TMEM132B: variants seen among roughly 807,000 people sequenced by gnomAD.
TMEM132B encodes transmembrane protein 132B.
A neutral mutation model predicts 90.8 loss-of-function variants in TMEM132B; 18 were observed. That is an observed-to-expected ratio of 0.20 (90% CI 0.14 to 0.29). TMEM132B has a LOEUF of 0.29. TMEM132B is among the 10% of genes least tolerant of loss of function. The pLI, the probability that TMEM132B is intolerant of heterozygous loss-of-function variation, is 1.00. For missense variants in TMEM132B, 1,096 were observed against 1,326.8 expected (o/e 0.83, Z 2.70); for synonymous variants, 504 against 523.3 (o/e 0.96, Z 0.50).
intron 2 of TMEM132B, among the ~76,000 whole-genome samples, chr12:125,355,279 C>G (rs1212936899): frequency 6.6e-6 from 1 of 152,124 alleles, no homozygotes; most frequent in Non-Finnish European, 1.5e-5. Context: ...CCAGCACTTG[C>G]ATTAGCAGAG....
chr12:125,270,112 T>TTGTGTGTGTGTGTGTGTGTGTGTGTG (rs59168219), intron 1 of TMEM132B, among the ~76,000 whole-genome samples: 14 of 143,144 alleles, frequency 9.8e-5, no homozygotes, highest in African/African-American at 3.7e-4. Context: ...CACATCTTTG[T>TTGTGTGTGTGTGTGTGTGTGTGTGTG]TGTGTGTGTG....
chr12:125,227,487 G>T (rs1476138998), intron 1 of TMEM132B, among the ~76,000 whole-genome samples: 1 of 152,070 alleles, frequency 6.6e-6, no homozygotes, highest in Non-Finnish European at 1.5e-5. Flanking sequence ...GTGCTCTGTG[G>T]GCTCTTGTGA....
chr12:125,619,087 G>A (rs1036957302), intron 5 of TMEM132B, among the ~76,000 whole-genome samples: 1 of 152,114 alleles, frequency 6.6e-6, no homozygotes, highest in Non-Finnish European at 1.5e-5. Flanking sequence ...CTCTGCAAAG[G>A]TATCAAATGG....
In TMEM132B at chr12:125,652,607, T is replaced by G; in HGVS notation, c.2081T>G (p.Leu694Arg). The G allele has an allele frequency of 6.2e-7, 1 of 1,613,232 alleles. No individual in the cohort carries two copies. The highest frequency in any genetic ancestry group is 8.5e-7 in the Non-Finnish European group (1 of 1,179,538). The change falls in exon 8 of 9, where the codon CTG becomes CGG. Residue 694 changes from leucine (L) to arginine (R), a missense_variant. Physicochemically the swap from Leu to Arg is moderately radical, Grantham distance 102 (BLOSUM62 -2). Coordinates refer to ENST00000682704, the MANE Select transcript of TMEM132B (RefSeq NM_001366854.1). ...GCCATCGTCTCCACAGCTGCTGCCC[T>G]GGATGTTCTTCAGTCCCCACAGCAG... ...KRAIVSTAAALDVLQSPQQEA... is the reference protein window; with the variant it reads ...KRAIVSTAAARDVLQSPQQEA...
intron 5 of TMEM132B, 96 bp from the exon 6 acceptor site, chr12:125,643,980 A>G (rs1886694523): frequency 9.0e-7 from 1 of 1,116,590 alleles, no homozygotes; most frequent in Non-Finnish European, 1.3e-6. Flanking sequence ...TGTCTAATAA[A>G]TCAGAGCTGC....
chr12:125,632,771 G>A (rs1424967616), intron 5 of TMEM132B, among the ~76,000 whole-genome samples: 1 of 151,968 alleles, frequency 6.6e-6, no homozygotes, highest in African/African-American at 2.4e-5. Context: ...TAGATGTATT[G>A]AGGCTCCATT....
At chr12:125,488,081 C>T (rs1466482598) in intron 3 of TMEM132B, among the ~76,000 whole-genome samples, 3 of 152,218 alleles carry the variant, frequency 2.0e-5, no homozygotes, top group Admixed American at 2.0e-4. Flanking sequence ...TATTTTAGCT[C>T]TTAATTTATG....
chr12:125,432,507 G>A lies in TMEM132B; in HGVS notation c.1106+16830G>A, dbSNP rs1365286226. On this transcript the variant is annotated intron_variant, in intron 3 of 8. Transcript: ENST00000682704. ...TATATGTATGTGTATATATATGTGT[G>A]TGTGTATATATATATATATATAGAG... is the stretch of plus-strand genomic sequence containing the variant. Among the ~76,000 whole-genome samples the A allele has an allele frequency of 1.7e-3, 23 of 13,184 alleles. 2 individuals are homozygous for A. The highest frequency in any genetic ancestry group is 7.6e-3 in the African/African-American group (23 of 3,012). 8.6% of individuals were successfully genotyped at this position (13,184 alleles called of 152,430 possible).
chr12:125,198,888 G>C (rs954638970), intron 1 of TMEM132B, among the ~76,000 whole-genome samples: 22 of 152,164 alleles, frequency 1.4e-4, no homozygotes, highest in African/African-American at 4.1e-4. Context: ...AGCTCCTCCG[G>C]CTTCTTTATT....
chr12:125,387,753 A>C (rs1349296865), intron 2 of TMEM132B, among the ~76,000 whole-genome samples: 1 of 152,196 alleles, frequency 6.6e-6, no homozygotes, highest in African/African-American at 2.4e-5. Context: ...ATGGATAAAC[A>C]TCTGTCTCCA....
chr12:125,196,999 T>C (rs951512589), intron 1 of TMEM132B, among the ~76,000 whole-genome samples: 3 of 152,212 alleles, frequency 2.0e-5, no homozygotes, highest in African/African-American at 7.2e-5. Flanking sequence ...GATTTTTGTT[T>C]TTAATTAACT....
At chr12:125,488,999 A>G (rs1593171088) in intron 3 of TMEM132B, among the ~76,000 whole-genome samples, 1 of 152,392 alleles carries the variant, frequency 6.6e-6, no homozygotes, top group East Asian at 1.9e-4. Flanking sequence ...GGTTTTTATC[A>G]CATGTAAGTG....
intron 3 of TMEM132B, among the ~76,000 whole-genome samples, chr12:125,516,727 TCA>T (rs1883171409): frequency 6.6e-6 from 1 of 152,208 alleles, no homozygotes; most frequent in African/African-American, 2.4e-5. Context: ...ATTTCTCCTC[TCA>T]CTGGATCTTC....
chr12:125,476,945 T>C (rs1881897944), intron 3 of TMEM132B, among the ~76,000 whole-genome samples: 1 of 152,164 alleles, frequency 6.6e-6, no homozygotes, highest in South Asian at 2.1e-4. Flanking sequence ...GTGATTTTTG[T>C]GAAACAACAC....
chr12:125,403,829 AC>A (rs1450053909), intron 2 of TMEM132B, among the ~76,000 whole-genome samples: 1 of 152,206 alleles, frequency 6.6e-6, no homozygotes, highest in Admixed American at 6.5e-5. Flanking sequence ...ACCCTTAGTG[AC>A]CAGCTTAGTT....
chr12:125,215,089 TACCCTGCC>T (rs1156932941), intron 1 of TMEM132B, among the ~76,000 whole-genome samples: 1 of 152,200 alleles, frequency 6.6e-6, no homozygotes, highest in Admixed American at 6.5e-5. Flanking sequence ...GTGCTACACC[TACCCTGCC>T]ACTCCCCTGA....
chr12:125,365,987 C>T (rs1188563704), intron 2 of TMEM132B, among the ~76,000 whole-genome samples: 1 of 151,962 alleles, frequency 6.6e-6, no homozygotes, highest in African/African-American at 2.4e-5. Flanking sequence ...ATTTTTGTAT[C>T]CGTTAATCAA....
At chr12:125,219,208 C>T (rs1011969780) in intron 1 of TMEM132B, among the ~76,000 whole-genome samples, 17 of 152,080 alleles carry the variant, frequency 1.1e-4, no homozygotes, top group African/African-American at 3.4e-4. Flanking sequence ...CTCAGGGCCA[C>T]GTGGCAGAGA....
At chr12:125,413,676 A>G (rs1879923146) in intron 2 of TMEM132B, among the ~76,000 whole-genome samples, 1 of 152,238 alleles carries the variant, frequency 6.6e-6, no homozygotes, top group Non-Finnish European at 1.5e-5. Flanking sequence ...TCAGAACTTC[A>G]TCCCTTTTTA....
Sources: allele counts gnomAD v4.1 joint callset (sites outside exome capture counted in the v4.1 genomes callset), GRCh38; gene constraint gnomAD v4.1.1; transcripts MANE v1.5; gene names NCBI Gene and HGNC (gene_info 2026-07-23, HGNC 2026-07-21).